CES5A: variants seen among roughly 807,000 people sequenced by gnomAD.
The protein encoded by CES5A is carboxylesterase 5.
In CES5A, 67 loss-of-function variants were observed where a neutral mutation model predicts 62.9. That is an observed-to-expected ratio of 1.07 (90% CI 0.88 to 1.31). The LOEUF (loss-of-function observed/expected upper bound fraction) is 1.31. CES5A is among the 50% of genes most tolerant of loss of function. The probability of loss-of-function intolerance (pLI) is 0.00; values close to 1 mark genes in which losing one functional copy is unlikely to be tolerated. For synonymous variants in CES5A, 296 were observed against 280.8 expected (o/e 1.05, Z -0.54); for missense variants, 748 against 708.5 (o/e 1.06, Z -0.63).
chr16:55,868,715 C>T (rs149068471), intron 4 of CES5A, among the ~76,000 whole-genome samples: 29 of 152,262 alleles, frequency 1.9e-4, no homozygotes, highest in African/African-American at 6.0e-4. Flanking sequence ...ATAATCCTGG[C>T]CCCACCTCTC....
Position 55,907,395 on chromosome 16 carries a change from T to A in CES5A, c.-256+17928A>T, listed in dbSNP as rs1481944493. Among the ~76,000 whole-genome samples the A allele has an allele frequency of 3.9e-5, 6 of 152,192 alleles. No individual in the cohort carries two copies. The East Asian group carries it at 1.2e-3, about 29-fold the overall frequency. ...CCACGTTCATGAAGCCACTGTATAG[T>A]GAGGATTCTCTGCAGCTTAGCTTTC... On this transcript the variant is annotated intron_variant, in intron 1 of 12. Transcript: ENST00000518005.
chr16:55,890,515 A>C (rs1337174253), intron 1 of CES5A, among the ~76,000 whole-genome samples: 2 of 152,188 alleles, frequency 1.3e-5, no homozygotes, highest in Non-Finnish European at 1.5e-5. Flanking sequence ...ATACTTCCAA[A>C]CTACTTTAAT....
intron 10 of CES5A, among the ~76,000 whole-genome samples, chr16:55,852,015 A>G (rs1183434553): frequency 6.6e-6 from 1 of 152,234 alleles, no homozygotes; most frequent in Non-Finnish European, 1.5e-5. Flanking sequence ...TCATAGAGAC[A>G]GAAAGTAGAA....
At chr16:55,932,698 A>G (rs1257549837) in intron 2 of CES5A, among the ~76,000 whole-genome samples, 1 of 152,118 alleles carries the variant, frequency 6.6e-6, no homozygotes, top group Non-Finnish European at 1.5e-5. Context: ...ACAGGCAAAG[A>G]CCCTGCAAAA....
chr16:55,881,605 T>C (rs577939791), intron 1 of CES5A, among the ~76,000 whole-genome samples: 1 of 152,206 alleles, frequency 6.6e-6, no homozygotes, highest in African/African-American at 2.4e-5. Context: ...AATTAGCCAA[T>C]TCGAATGGCC....
chr16:55,908,602 C>T lies in CES5A; in HGVS notation c.-256+16721G>A, dbSNP rs138494034. 2.8e-3 allele frequency among the ~76,000 whole-genome samples: 425 copies of T among 152,274 alleles called. 10 individuals carry two copies. In the East Asian group the frequency reaches 0.062, roughly 22 times the overall value. On this transcript the variant is annotated intron_variant, in intron 1 of 12. Transcript: ENST00000518005. ...CTCGAACTCCTGACCTCACGTGATC[C>T]GCCCACCTTGGCCTCCCTAAGTGCT...
intron 1 of CES5A, among the ~76,000 whole-genome samples, chr16:55,919,009 G>A (rs181257895): frequency 6.6e-6 from 1 of 152,136 alleles, no homozygotes; most frequent in Non-Finnish European, 1.5e-5. Context: ...CATCTTATGG[G>A]GCAGATTTCA....
chr16:55,884,353 C>A (rs1329749630), intron 1 of CES5A, among the ~76,000 whole-genome samples: 1 of 152,216 alleles, frequency 6.6e-6, no homozygotes, highest in Non-Finnish European at 1.5e-5. Flanking sequence ...ACTCCCTTAA[C>A]CATCTCCACC....
At chr16:55,928,896 G>A (rs1432680570), upstream of CES5A, among the ~76,000 whole-genome samples, 2 of 152,156 alleles carry the variant, frequency 1.3e-5, no homozygotes, top group Admixed American at 6.5e-5. Context: ...AGGACTCAGA[G>A]GTCCCAGGTG....
intron 1 of CES5A, among the ~76,000 whole-genome samples, chr16:55,882,024 T>C (rs1260279205): frequency 1.3e-5 from 2 of 152,176 alleles, no homozygotes; most frequent in Non-Finnish European, 2.9e-5. Context: ...CCAACTTGAA[T>C]GTTGTTTAAC....
intron 1 of CES5A, among the ~76,000 whole-genome samples, chr16:55,881,795 A>C (rs1192570906): frequency 6.6e-6 from 1 of 152,202 alleles, no homozygotes; most frequent in East Asian, 1.9e-4. Context: ...CAGTGGTGAT[A>C]ATCCTTGTTA....
chr16:55,942,247 A>G (rs2034453192), intron 2 of CES5A, among the ~76,000 whole-genome samples: 1 of 152,198 alleles, frequency 6.6e-6, no homozygotes, highest in East Asian at 1.9e-4. Flanking sequence ...TAAAATCCCT[A>G]CTTATGAAAA....
chr16:55,900,091 C>A (rs889105498), intron 1 of CES5A, among the ~76,000 whole-genome samples: 5 of 111,330 alleles, frequency 4.5e-5, no homozygotes, highest in African/African-American at 1.6e-4. Context: ...TGAATGCAGA[C>A]CCCCCTTCAT....
At chr16:55,924,044 T>C (rs2034235091) in intron 1 of CES5A, among the ~76,000 whole-genome samples, 1 of 151,914 alleles carries the variant, frequency 6.6e-6, no homozygotes, top group South Asian at 2.1e-4. Flanking sequence ...TTATTCAGTA[T>C]AGTACTGAAA....
chr16:55,890,221 A>G (rs1397688555), intron 1 of CES5A, among the ~76,000 whole-genome samples: 1 of 142,694 alleles, frequency 7.0e-6, no homozygotes, highest in Non-Finnish European at 1.6e-5. Context: ...GAATTCCAAG[A>G]CAACTTGAAA....
intron 1 of CES5A, among the ~76,000 whole-genome samples, chr16:55,915,034 C>G (rs568484698): frequency 3.3e-5 from 5 of 151,248 alleles, no homozygotes; most frequent in African/African-American, 1.2e-4. Flanking sequence ...CTTCCTTTGG[C>G]TCAAAGCCTG....
intron 8 of CES5A, among the ~76,000 whole-genome samples, chr16:55,857,215 C>T (rs370431886): frequency 6.6e-6 from 1 of 152,216 alleles, no homozygotes; most frequent in African/African-American, 2.4e-5. Context: ...CTCTTCCTGC[C>T]TCAGGCTCCT....
At chr16:55,893,838 T>TA (rs1223238684) in intron 1 of CES5A, among the ~76,000 whole-genome samples, 3 of 152,132 alleles carry the variant, frequency 2.0e-5, no homozygotes, top group Non-Finnish European at 4.4e-5. Flanking sequence ...GAAAAACTGA[T>TA]AAAAGACATC....
At chr16:55,892,755 T>TTA (rs1419624578) in intron 1 of CES5A, among the ~76,000 whole-genome samples, 5 of 151,482 alleles carry the variant, frequency 3.3e-5, no homozygotes, top group South Asian at 4.2e-4. Flanking sequence ...CTTCTAAAAA[T>TTA]TATATATATA....
Sources: gnomAD v4.1 joint callset for allele counts (sites outside exome capture counted in the v4.1 genomes callset) on GRCh38, gnomAD v4.1.1 for gene constraint, MANE v1.5 for transcripts, NCBI Gene and HGNC (gene_info 2026-07-23, HGNC 2026-07-21) for gene names.